The following NCOR2 variants were observed in gnomAD, a reference collection of about 807,000 sequenced individuals.
NCOR2 encodes the protein nuclear receptor corepressor 2, also known as CTG repeat protein 26.
Under a neutral mutation model 262.9 loss-of-function variants are expected in NCOR2, and 81 were observed. The ratio of observed to expected loss-of-function variants is 0.31; its 90% CI spans 0.26 to 0.37. NCOR2 has a LOEUF of 0.37. NCOR2 is among the 10% of genes least tolerant of loss of function. NCOR2 has a pLI of 1.00. For missense variants in NCOR2, 3,385 were observed against 3,621.4 expected, an observed-to-expected ratio of 0.93 and a Z score of 1.68; for synonymous variants, 1,659 against 1,559.3, an observed-to-expected ratio of 1.06 and a Z score of -1.51.
intron 25 of NCOR2, 105 bp from the exon 28 acceptor site, chr12:124,354,687 C>T (rs1480219896): frequency 6.1e-6 from 8 of 1,321,358 alleles, no homozygotes; most frequent in Non-Finnish European, 7.1e-6. Flanking sequence ...TGCCCCTCCC[C>T]ACCATGTTCC....
Position 124,503,705 on chromosome 12 carries a change from T to C in NCOR2, c.-117-8337A>G, listed in dbSNP as rs943399408. ...ATGGATGGATGGATGGATGGATGGA[T>C]GGATGGACAGACGAATGGATGGATG... On this transcript the variant is annotated intron_variant, in intron 1 of 46. Transcript: ENST00000404621. The surrounding 1 kb of genome is among the most constrained non-coding windows in gnomAD (Gnocchi z 4.3). Among the ~76,000 whole-genome samples the C allele has an allele frequency of 7.0e-6, 1 of 142,518 alleles. No individual in the cohort carries two copies. The highest frequency in any genetic ancestry group is 1.5e-5 in the Non-Finnish European group (1 of 66,264). The allele number at this position is 142,518 out of a possible 152,430, so 93.5% of individuals were successfully genotyped here. A position where few individuals can be genotyped will look rare whatever the true frequency, so the allele number is the denominator to read the frequency against.
intron 1 of NCOR2, among the ~76,000 whole-genome samples, chr12:124,542,204 G>C (rs537866114): frequency 6.6e-6 from 1 of 151,984 alleles, no homozygotes; most frequent in Non-Finnish European, 1.5e-5. Flanking sequence ...TTTCCCACCA[G>C]ACCTGCAGCA....
intron 6 of NCOR2, among the ~76,000 whole-genome samples, chr12:124,452,348 G>T (rs2045599430): frequency 6.6e-6 from 1 of 152,220 alleles, no homozygotes; most frequent in Non-Finnish European, 1.5e-5. Context: ...ATGCAGGCCA[G>T]GTGCAAGCGG....
chr12:124,374,471 G>T lies in NCOR2; in HGVS notation c.2168-8C>A. 1.2e-6 allele frequency: 2 copies of T among 1,611,830 alleles called. No homozygotes were observed. Among genetic ancestry groups the T allele is most frequent in the South Asian group, 2.2e-5 (2 of 90,718 alleles). On this transcript the variant is annotated splice_polypyrimidine_tract_variant and splice_region_variant and intron_variant, in intron 18 of 46. Coordinates refer to ENST00000405201, the Ensembl canonical transcript of NCOR2. ...TCCCAGAGGCATGTAAGGCTGGAAGGAAGTCAGAGAAGAGTTAGAAGTGAG... is the reference window on the plus strand; with the variant it reads ...TCCCAGAGGCATGTAAGGCTGGAAGTAAGTCAGAGAAGAGTTAGAAGTGAG...
intron 20 of NCOR2, among the ~76,000 whole-genome samples, chr12:124,369,906 C>T (rs926566938): frequency 4.6e-5 from 7 of 152,086 alleles, no homozygotes; most frequent in East Asian, 1.9e-4. Flanking sequence ...GTTCTGGGGA[C>T]GGACAGGATG....
intron 20 of NCOR2, among the ~76,000 whole-genome samples, chr12:124,370,111 A>G (rs1250168614): frequency 1.3e-5 from 2 of 152,184 alleles, no homozygotes; most frequent in Non-Finnish European, 2.9e-5. Context: ...TGACCCCGCT[A>G]TCCAGGCACA....
At chr12:124,361,528 G>A (rs975474685) in intron 22 of NCOR2, among the ~76,000 whole-genome samples, 5 of 152,318 alleles carry the variant, frequency 3.3e-5, no homozygotes, top group East Asian at 1.9e-4. Flanking sequence ...AGGTGTGCCC[G>A]GGGCAGTCCC....
At chr12:124,562,466 G>C (rs1445616120) in intron 1 of NCOR2, among the ~76,000 whole-genome samples, 1 of 152,146 alleles carries the variant, frequency 6.6e-6, no homozygotes, top group Non-Finnish European at 1.5e-5. Context: ...CCTTTTTTCA[G>C]AGACCAGGAG....
chr12:124,390,888 A>C (rs1379305953), intron 16 of NCOR2, among the ~76,000 whole-genome samples: 1 of 152,250 alleles, frequency 6.6e-6, no homozygotes, highest in East Asian at 1.9e-4. Flanking sequence ...CAAGACAGGA[A>C]GTCCAGCCAG....
Position 124,531,506 on chromosome 12 carries a change from G to A in NCOR2, c.-118+4059C>T, listed in dbSNP as rs1443424040. ...GGGGAGAAGGAGGGAGGAGAAGGAG[G>A]GGTAGGGAGCAGGAAGGAAGGGGGA... On this transcript the variant is annotated intron_variant, in intron 1 of 46. Coordinates refer to the NCOR2 transcript ENST00000404621. This position sits in a 1 kb window ranked among gnomAD's most constrained non-coding sequence, Gnocchi z 4.5. Among the ~76,000 whole-genome samples, 1 of 152,194 alleles carries A rather than the reference G, an allele frequency of 6.6e-6. No individual in the cohort carries two copies. Among genetic ancestry groups the A allele is most frequent in the African/African-American group, 2.4e-5 (1 of 41,438 alleles).
chr12:124,565,993 C>G (rs2052225132), intron 1 of NCOR2, among the ~76,000 whole-genome samples: 1 of 152,076 alleles, frequency 6.6e-6, no homozygotes, highest in Non-Finnish European at 1.5e-5. Context: ...CCGGAGAGCC[C>G]CTTATATCAA....
chr12:124,547,757 G>A (rs1045366123), intron 1 of NCOR2, among the ~76,000 whole-genome samples: 2 of 152,112 alleles, frequency 1.3e-5, no homozygotes, highest in African/African-American at 2.4e-5. Context: ...AAGTGGAATC[G>A]TACACTATGT....
intron 1 of NCOR2, among the ~76,000 whole-genome samples, chr12:124,511,268 C>T (rs2049378377): frequency 6.6e-6 from 1 of 152,198 alleles, no homozygotes; most frequent in African/African-American, 2.4e-5. Context: ...CACAGCCGGC[C>T]GGCTCCACTC....
intron 28 of NCOR2, 102 bp downstream of exon 30, chr12:124,350,485 G>A (rs2037357642): frequency 3.5e-6 from 5 of 1,448,998 alleles, no homozygotes; most frequent in Non-Finnish European, 4.7e-6. Context: ...ATCAGATTGT[G>A]CTTTCTGATG....
At chr12:124,381,938 C>T (rs757998283) in intron 17 of NCOR2, among the ~76,000 whole-genome samples, 11 of 152,250 alleles carry the variant, frequency 7.2e-5, no homozygotes, top group Admixed American at 2.6e-4. Flanking sequence ...CCCGCCCGGC[C>T]GCCGGATCCT....
At chr12:124,546,997 T>C (rs902479051) in intron 1 of NCOR2, among the ~76,000 whole-genome samples, 6 of 152,168 alleles carry the variant, frequency 3.9e-5, no homozygotes, top group African/African-American at 1.4e-4. Context: ...TTATTTATTT[T>C]TATTTTTTTT....
upstream of NCOR2, chr12:124,539,439 C>G (rs2051222834): frequency 6.5e-6 from 1 of 152,878 alleles, no homozygotes; most frequent in Non-Finnish European, 1.5e-5. The surrounding 1 kb of genome is among the most constrained non-coding windows in gnomAD (Gnocchi z 5.1). Flanking sequence ...CTCACTGTCC[C>G]CCAGCAAGCT....
At chr12:124,329,451 ACT>A (rs1355259361) in intron 44 of NCOR2, among the ~76,000 whole-genome samples, 1 of 150,400 alleles carries the variant, frequency 6.6e-6, no homozygotes, top group African/African-American at 2.5e-5. Flanking sequence ...ACAGAGCAAG[ACT>A]CTGTCAAACA....
chr12:124,482,289 G>A lies in NCOR2; in HGVS notation c.411+1307C>T, dbSNP rs1458407894. Among the ~76,000 whole-genome samples, 1 of 151,914 alleles carries A rather than the reference G, an allele frequency of 6.6e-6. No individual in the cohort carries two copies. Among genetic ancestry groups the A allele is most frequent in the Non-Finnish European group, 1.5e-5 (1 of 67,958 alleles). On this transcript the variant is annotated intron_variant, in intron 3 of 46. Transcript: ENST00000405201. The surrounding 1 kb of genome is among the most constrained non-coding windows in gnomAD (Gnocchi z 6.3). ...GAGGCAGCCCTGTGGGTATCTGGCAGGTGTGCAGGTGTCGGGGCCACAGCC... is the reference window on the plus strand; with the variant it reads ...GAGGCAGCCCTGTGGGTATCTGGCAAGTGTGCAGGTGTCGGGGCCACAGCC...
Sources: allele counts gnomAD v4.1 joint callset (sites outside exome capture counted in the v4.1 genomes callset), GRCh38; gene constraint gnomAD v4.1.1; non-coding constraint Gnocchi (gnomAD v3.1); transcripts MANE v1.5; gene names NCBI Gene and HGNC (gene_info 2026-07-23, HGNC 2026-07-21).